QTGAL: variants seen among roughly 807,000 people sequenced by gnomAD.
QTGAL encodes queuosine-tRNA galactosyltransferase, also known as BGnT-like protein 1.
chr17:82,993,485 T>G, the QTGAL span, among the ~76,000 whole-genome samples: 1 of 152,090 alleles, frequency 6.6e-6, no homozygotes, highest in Non-Finnish European at 1.5e-5. Context: ...CAAAATATTA[T>G]TAAAGCTAAA....
At chr17:83,020,901 G>A in the QTGAL span, among the ~76,000 whole-genome samples, 3 of 152,176 alleles carry the variant, frequency 2.0e-5, no homozygotes, top group Non-Finnish European at 4.4e-5. Flanking sequence ...AGATCATTGC[G>A]AAGGGGCATG....
At chr17:82,958,065 C>T in the QTGAL span, among the ~76,000 whole-genome samples, 2 of 152,028 alleles carry the variant, frequency 1.3e-5, no homozygotes, top group African/African-American at 4.8e-5. Context: ...GGGCCCTTCC[C>T]AGCCCCGCCC....
the QTGAL span, among the ~76,000 whole-genome samples, chr17:83,029,365 AT>A: frequency 6.1e-3 from 919 of 151,188 alleles, 12 homozygotes; most frequent in African/African-American, 0.02. Flanking sequence ...CTGAAGTTAA[AT>A]TTTTTTTTTC....
chr17:82,977,785 G>A, the QTGAL span, among the ~76,000 whole-genome samples: 3 of 152,176 alleles, frequency 2.0e-5, no homozygotes, highest in Admixed American at 1.3e-4. Context: ...GGGACCGAGG[G>A]GGGTGGAACG....
At chr17:83,007,593 C>A in the QTGAL span, among the ~76,000 whole-genome samples, 2 of 152,010 alleles carry the variant, frequency 1.3e-5, no homozygotes, top group Non-Finnish European at 2.9e-5. Context: ...GGTGAGTACA[C>A]GCCAGCCCAC....
At chr17:82,998,499 CCAT>C in the QTGAL span, among the ~76,000 whole-genome samples, 2 of 152,170 alleles carry the variant, frequency 1.3e-5, no homozygotes, top group Non-Finnish European at 2.9e-5. Context: ...GCGCCCACCA[CCAT>C]GCCTGGCTAA....
the QTGAL span, among the ~76,000 whole-genome samples, chr17:82,961,684 C>T: frequency 1.3e-5 from 2 of 152,344 alleles, no homozygotes; most frequent in South Asian, 2.1e-4. Flanking sequence ...GAGGCAGCCC[C>T]GGGCCTGTGC....
chr17:83,051,689 G>C, the QTGAL span: 3 of 1,424,128 alleles, frequency 2.1e-6, no homozygotes, highest in South Asian at 1.4e-5. Flanking sequence ...GTGAGGGGAC[G>C]CGAGGACCCA....
chr17:82,966,375 A>G, the QTGAL span, among the ~76,000 whole-genome samples: 3 of 152,274 alleles, frequency 2.0e-5, no homozygotes, highest in East Asian at 1.9e-4. Flanking sequence ...TCTAAAATGT[A>G]TATAGAAACA....
chr17:82,964,030 G>GGGT, the QTGAL span, among the ~76,000 whole-genome samples: 473 of 134,680 alleles, frequency 3.5e-3, 5 homozygotes, highest in African/African-American at 0.013. Flanking sequence ...GCTGAGGTCG[G>GGGT]GGGGGTGGAT....
At chr17:82,960,615 A>T in the QTGAL span, 1 of 158,156 alleles carries the variant, frequency 6.3e-6, no homozygotes, top group African/African-American at 2.4e-5. Flanking sequence ...CGGGAGAGGG[A>T]GGCGGACCCC....
the QTGAL span, among the ~76,000 whole-genome samples, chr17:83,034,522 T>G: frequency 0.21 from 30,739 of 149,084 alleles, 3,257 homozygotes; most frequent in Non-Finnish European, 0.24. Flanking sequence ...AATTAATAAC[T>G]GATAAGGTTG....
the QTGAL span, among the ~76,000 whole-genome samples, chr17:82,992,833 A>G: frequency 2.0e-5 from 3 of 152,322 alleles, no homozygotes; most frequent in Non-Finnish European, 4.4e-5. Flanking sequence ...TAAGGTATAG[A>G]GTTTTTATTA....
At chr17:82,944,477 CT>C in the QTGAL span, 1 of 152,216 alleles carries the variant, frequency 6.6e-6, no homozygotes, top group African/African-American at 2.4e-5. Context: ...ACACTGAGTG[CT>C]ATGAACAAAG....
At chr17:82,959,517 G>A in the QTGAL span, among the ~76,000 whole-genome samples, 410 of 152,128 alleles carry the variant, frequency 2.7e-3, no homozygotes, top group Non-Finnish European at 4.7e-3. Flanking sequence ...AGACGGCTGC[G>A]GGGACTTCCC....
chr17:82,997,930 A>AT, the QTGAL span, among the ~76,000 whole-genome samples: 11,829 of 131,346 alleles, frequency 0.09, 553 homozygotes, highest in African/African-American at 0.13. Flanking sequence ...TAAAAAAAAA[A>AT]ATATATATAT....
chr17:82,952,179 C>T, the QTGAL span, among the ~76,000 whole-genome samples: 3 of 152,224 alleles, frequency 2.0e-5, no homozygotes, highest in African/African-American at 7.2e-5. Context: ...TGTGTGACAG[C>T]TCATCACAGG....
At chr17:82,984,993 G>A in the QTGAL span, among the ~76,000 whole-genome samples, 2 of 152,182 alleles carry the variant, frequency 1.3e-5, no homozygotes, top group African/African-American at 4.8e-5. Flanking sequence ...AACCTGGGAA[G>A]CCGGGTGGCG....
chr17:82,971,335 C>T, the QTGAL span, among the ~76,000 whole-genome samples: 298 of 152,316 alleles, frequency 2.0e-3, 1 homozygote, highest in African/African-American at 6.2e-3. Flanking sequence ...ACACGGGCTC[C>T]GCCAGCTCCA....
Sources: allele counts gnomAD v4.1 joint callset (sites outside exome capture counted in the v4.1 genomes callset), GRCh38; gene constraint gnomAD v4.1.1; transcripts MANE v1.5; gene names NCBI Gene and HGNC (gene_info 2026-07-23, HGNC 2026-07-21).